ROBO1: variants seen among roughly 807,000 people sequenced by gnomAD.
The protein encoded by ROBO1 is roundabout homolog 1.
ROBO1 carries 149 observed loss-of-function variants against 195.9 expected under a neutral mutation model. That is an observed-to-expected ratio of 0.76 (90% CI 0.67 to 0.87). ROBO1 has a LOEUF of 0.87. Among genes scored for constraint, ROBO1 ranks in the 40% least tolerant of loss-of-function variants. The pLI, the probability that ROBO1 is intolerant of heterozygous loss-of-function variation, is 0.00. For missense variants in ROBO1, 1,933 were observed against 2,068.3 expected, an observed-to-expected ratio of 0.93 and a Z score of 1.27; for synonymous variants, 816 against 733.2, an observed-to-expected ratio of 1.11 and a Z score of -1.82.
At chr3:79,651,689 C>T (rs1946013388) in intron 1 of ROBO1, among the ~76,000 whole-genome samples, 2 of 152,068 alleles carry the variant, frequency 1.3e-5, no homozygotes, top group Non-Finnish European at 2.9e-5. Flanking sequence ...GAGCCTGAAG[C>T]GTTCATGGGT....
At chr3:79,687,970 C>T (rs1034641259) in intron 1 of ROBO1, among the ~76,000 whole-genome samples, 5 of 151,958 alleles carry the variant, frequency 3.3e-5, no homozygotes, top group Non-Finnish European at 7.4e-5. Context: ...GGAACCAACC[C>T]AAATGTCCAA....
intron 1 of ROBO1, among the ~76,000 whole-genome samples, chr3:79,615,332 G>A (rs1335951768): frequency 6.6e-6 from 1 of 152,110 alleles, no homozygotes; most frequent in African/African-American, 2.4e-5. Context: ...TGACCTAGAA[G>A]CCTCCACTTT....
rs1434754094 is a variant in ROBO1 at position 78,646,092 on chromosome 3, G to A, written c.2882+56C>T. On this transcript the variant is annotated intron_variant, in intron 21 of 30. Transcript: ENST00000464233. ...CAGAGAAAGTGGTGTCATTGAGGAA[G>A]ATGAAGAAATATTTGGAATTCCCTG... The A allele has an allele frequency of 4.2e-6, 6 of 1,436,102 alleles. No individual in the cohort carries two copies. The African/African-American group carries it at 5.7e-5, about 14-fold the overall frequency. The allele number at this position is 1,436,102 out of a possible 1,614,324, so 89.0% of individuals were successfully genotyped here.
chr3:79,185,238 C>T lies in ROBO1; in HGVS notation c.89-59699G>A, dbSNP rs2081416882. On this transcript the variant is annotated intron_variant, in intron 2 of 30. Transcript: ENST00000464233. The stretch of plus-strand genomic sequence containing the variant: ...GCTCAACTCTTTCTCTGGTCTCTAT[C>T]TCTCCAGGTGTCTTTGAGTTTTATG... Among the ~76,000 whole-genome samples, 2 of 152,152 alleles carry T rather than the reference C, an allele frequency of 1.3e-5. 1 individual carries two copies. Among genetic ancestry groups the T allele is most frequent in the African/African-American group, 4.8e-5 (2 of 41,442 alleles).
At chr3:79,143,068 T>C (rs147456078) in intron 2 of ROBO1, among the ~76,000 whole-genome samples, 1,830 of 152,170 alleles carry the variant, frequency 0.012, 37 homozygotes, top group African/African-American at 0.039. Flanking sequence ...TTTTAACAAA[T>C]GAATGGTCAG....
chr3:79,074,583 C>CATTATT lies in ROBO1; in HGVS notation c.172+50867_172+50872dup, dbSNP rs1228969024. 1.8e-3 allele frequency among the ~76,000 whole-genome samples: 263 copies of CATTATT among 150,008 alleles called. 2 individuals carry two copies. The highest frequency in any genetic ancestry group is 2.3e-3 in the African/African-American group (92 of 40,880). On this transcript the variant is annotated intron_variant, in intron 3 of 30. Transcript: ENST00000464233. Reference sequence around the variant, plus strand: ...CAGACGCATGCCACCATGTTCAGCTCATTATTATTATTATTATTATTATAT... The same window carrying CATTATT: ...CAGACGCATGCCACCATGTTCAGCTCATTATTATTATTATTATTATTATTATTATAT...
At chr3:79,001,603 T>A (rs1161151768) in intron 3 of ROBO1, among the ~76,000 whole-genome samples, 2 of 152,188 alleles carry the variant, frequency 1.3e-5, no homozygotes, top group Non-Finnish European at 2.9e-5. Flanking sequence ...TTCACTGTAC[T>A]TTTTCTGCCC....
At chr3:78,735,877 C>T (rs1263359640) in intron 5 of ROBO1, among the ~76,000 whole-genome samples, 1 of 152,088 alleles carries the variant, frequency 6.6e-6, no homozygotes, top group Non-Finnish European at 1.5e-5. Context: ...CGATGGGAGA[C>T]TCCACACTAA....
At chr3:78,843,676 T>C (rs1469797721) in intron 4 of ROBO1, among the ~76,000 whole-genome samples, 2 of 152,118 alleles carry the variant, frequency 1.3e-5, no homozygotes, top group African/African-American at 4.8e-5. Flanking sequence ...AAACAAATGA[T>C]ACAATATACA....
At chr3:79,405,927 C>A in intron 2 of ROBO1, among the ~76,000 whole-genome samples, 2 of 151,998 alleles carry the variant, frequency 1.3e-5, no homozygotes, top group South Asian at 2.1e-4. Flanking sequence ...AACTGTTTTG[C>A]AGTATTAAGT....
At chr3:79,193,581 CTTTTTTTT>C (rs869203963) in intron 2 of ROBO1, among the ~76,000 whole-genome samples, 6 of 85,626 alleles carry the variant, frequency 7.0e-5, no homozygotes, top group Admixed American at 6.4e-4. Context: ...TGTGGTTTTG[CTTTTTTTT>C]TTTTTTTTTT....
chr3:79,568,581 AC>A (rs1472830945), intron 2 of ROBO1, among the ~76,000 whole-genome samples: 5 of 149,268 alleles, frequency 3.3e-5, no homozygotes, highest in Non-Finnish European at 5.9e-5. Flanking sequence ...TAGTGAATCT[AC>A]TTTAGGACAG....
At chr3:78,800,996 T>C (rs2084353549) in intron 4 of ROBO1, among the ~76,000 whole-genome samples, 1 of 152,186 alleles carries the variant, frequency 6.6e-6, no homozygotes, top group Non-Finnish European at 1.5e-5. Flanking sequence ...ACAGGCTGAA[T>C]TCCACACCAC....
chr3:79,066,812 C>T (rs1426517150), intron 3 of ROBO1, among the ~76,000 whole-genome samples: 1 of 151,870 alleles, frequency 6.6e-6, no homozygotes, highest in Non-Finnish European at 1.5e-5. Context: ...CCCTAGCATG[C>T]CTCGAAATCC....
At chr3:79,411,302 A>G (rs1033874142) in intron 2 of ROBO1, among the ~76,000 whole-genome samples, 8 of 152,166 alleles carry the variant, frequency 5.3e-5, no homozygotes, top group Admixed American at 1.3e-4. Flanking sequence ...CCTAAAGACT[A>G]AAATAGTGGT....
chr3:78,732,184 C>T (rs1023001616), intron 5 of ROBO1, among the ~76,000 whole-genome samples: 1 of 152,034 alleles, frequency 6.6e-6, no homozygotes, highest in African/African-American at 2.4e-5. Flanking sequence ...TAGAGAACAA[C>T]AGCTTATATT....
chr3:79,263,093 T>G (rs1231076285), intron 2 of ROBO1, among the ~76,000 whole-genome samples: 1 of 152,090 alleles, frequency 6.6e-6, no homozygotes, highest in Non-Finnish European at 1.5e-5. Context: ...TTCATACCCT[T>G]TAGTACCATC....
At chr3:79,280,697 CAGG>C (rs2031436641) in intron 2 of ROBO1, among the ~76,000 whole-genome samples, 1 of 152,098 alleles carries the variant, frequency 6.6e-6, no homozygotes, top group African/African-American at 2.4e-5. Flanking sequence ...TGACATCGGG[CAGG>C]AGAATGGTTT....
chr3:79,641,963 G>T (rs1945676509), intron 1 of ROBO1, among the ~76,000 whole-genome samples: 2 of 152,172 alleles, frequency 1.3e-5, no homozygotes, highest in Admixed American at 6.5e-5. Flanking sequence ...AGGCTAAACT[G>T]ATCTGTGATC....
Sources: gnomAD v4.1 joint callset for allele counts (sites outside exome capture counted in the v4.1 genomes callset) on GRCh38, gnomAD v4.1.1 for gene constraint, MANE v1.5 for transcripts, NCBI Gene and HGNC (gene_info 2026-07-23, HGNC 2026-07-21) for gene names.